The following TCERG1L variants were observed in gnomAD, a reference collection of about 807,000 sequenced individuals.
TCERG1L encodes transcription elongation regulator 1 like.
TCERG1L carries 37 observed loss-of-function variants against 56.3 expected under a neutral mutation model. The observed-to-expected ratio is 0.66, with a 90% CI of 0.51 to 0.87. The LOEUF (loss-of-function observed/expected upper bound fraction) is 0.87, where lower values mean the gene tolerates loss of function less well. Ranked by LOEUF, TCERG1L falls within the 40% of genes least tolerant of loss-of-function variation. The probability of loss-of-function intolerance (pLI) is 0.00; values close to 1 mark genes in which losing one functional copy is unlikely to be tolerated. For missense variants in TCERG1L, 799 were observed against 774.2 expected (o/e 1.03, Z -0.38); for synonymous variants, 324 against 326.3 (o/e 0.99, Z 0.08).
intron 9 of TCERG1L, among the ~76,000 whole-genome samples, chr10:131,105,791 G>A (rs958667107): frequency 1.3e-5 from 2 of 152,202 alleles, no homozygotes; most frequent in African/African-American, 4.8e-5. Flanking sequence ...CGGACTCATG[G>A]ATACTCAGCC....
intron 8 of TCERG1L, among the ~76,000 whole-genome samples, chr10:131,132,920 A>G (rs1351340870): frequency 6.6e-6 from 1 of 152,168 alleles, no homozygotes; most frequent in Non-Finnish European, 1.5e-5. Context: ...AGTGGCTCAC[A>G]GGCTTCCACG....
intron 3 of TCERG1L, among the ~76,000 whole-genome samples, chr10:131,275,014 G>C (rs955852234): frequency 6.6e-6 from 1 of 152,110 alleles, no homozygotes; most frequent in Non-Finnish European, 1.5e-5. Context: ...TCCTGATCCT[G>C]ATCTCGGGCC....
At chr10:131,136,001 G>A (rs568910662) in intron 7 of TCERG1L, among the ~76,000 whole-genome samples, 206 of 152,332 alleles carry the variant, frequency 1.4e-3, no homozygotes, top group Non-Finnish European at 2.4e-3. Flanking sequence ...CCTGGGGGCC[G>A]CCCTGTGCCC....
intron 4 of TCERG1L, among the ~76,000 whole-genome samples, chr10:131,213,553 T>G (rs960929520): frequency 1.3e-5 from 2 of 152,216 alleles, no homozygotes; most frequent in African/African-American, 2.4e-5. Context: ...CCACTCTGTC[T>G]GGCCCGGCTG....
intron 3 of TCERG1L, among the ~76,000 whole-genome samples, chr10:131,300,789 G>A: frequency 6.6e-6 from 1 of 150,740 alleles, no homozygotes. Flanking sequence ...TTTATTAAGT[G>A]CTAGGCATCA....
chr10:131,097,699 A>G (rs999174994), intron 11 of TCERG1L, among the ~76,000 whole-genome samples: 8 of 152,234 alleles, frequency 5.3e-5, no homozygotes, highest in African/African-American at 1.9e-4. Context: ...TTTAAGAAAG[A>G]GTTAAGCTTA....
chr10:131,230,494 G>A (rs550451747), intron 4 of TCERG1L, among the ~76,000 whole-genome samples: 1 of 152,340 alleles, frequency 6.6e-6, no homozygotes, highest in African/African-American at 2.4e-5. Flanking sequence ...CACACTGAGG[G>A]ACGCTGGGGA....
At position 131,141,513 on chromosome 10, in the gene TCERG1L, G is replaced by A. The variant is rs890946216; in HGVS notation, c.1189+4993C>T. Among the ~76,000 whole-genome samples the A allele has an allele frequency of 3.8e-4, 58 of 152,118 alleles. 1 individual carries two copies. Among genetic ancestry groups the A allele is most frequent in the African/African-American group, 1.2e-3 (51 of 41,418 alleles). On this transcript the variant is annotated intron_variant, in intron 7 of 11. Transcript: ENST00000368642. ...TGCCCAACATCTGCTCATCTTTGGC[G>A]TCCTGTGTCTAGCCCAGTGCTTGGC...
chr10:131,168,695 T>TC (rs1353146148), intron 4 of TCERG1L, among the ~76,000 whole-genome samples: 2 of 152,168 alleles, frequency 1.3e-5, no homozygotes, highest in Non-Finnish European at 2.9e-5. Context: ...GGGCAGGCTC[T>TC]CCCCAGGGCT....
chr10:131,178,500 A>G (rs1845135642), intron 4 of TCERG1L, among the ~76,000 whole-genome samples: 1 of 152,162 alleles, frequency 6.6e-6, no homozygotes, highest in African/African-American at 2.4e-5. Context: ...CCCCCTAGCC[A>G]TGCAGGTCAA....
intron 9 of TCERG1L, among the ~76,000 whole-genome samples, chr10:131,106,331 C>T (rs2133383079): frequency 6.6e-6 from 1 of 152,304 alleles, no homozygotes; most frequent in South Asian, 2.1e-4. Context: ...GGAGACAGAC[C>T]TGGACACTAG....
chr10:131,094,026 C>T (rs1376581277), intron 11 of TCERG1L, among the ~76,000 whole-genome samples: 7 of 152,328 alleles, frequency 4.6e-5, no homozygotes, highest in South Asian at 4.1e-4. Context: ...GGTGGTGCCC[C>T]GTAAGAAAAT....
chr10:131,292,226 A>C (rs1352189162), intron 3 of TCERG1L, among the ~76,000 whole-genome samples: 1 of 152,220 alleles, frequency 6.6e-6, no homozygotes, highest in Non-Finnish European at 1.5e-5. Context: ...TATCTGGTTC[A>C]CCTTCATTCT....
intron 4 of TCERG1L, among the ~76,000 whole-genome samples, chr10:131,221,031 C>T (rs1845726683): frequency 6.6e-6 from 1 of 152,208 alleles, no homozygotes; most frequent in African/African-American, 2.4e-5. Context: ...CCCCAAGCGG[C>T]TGAGTACCTG....
intron 8 of TCERG1L, among the ~76,000 whole-genome samples, chr10:131,119,799 G>A (rs750501375): frequency 3.9e-5 from 6 of 152,322 alleles, no homozygotes; most frequent in African/African-American, 7.2e-5. Context: ...TAGAGGCAGC[G>A]TCCCCGAGGA....
intron 9 of TCERG1L, among the ~76,000 whole-genome samples, chr10:131,113,227 A>G (rs1278541103): frequency 7.0e-6 from 1 of 142,856 alleles, no homozygotes; most frequent in African/African-American, 2.5e-5. Flanking sequence ...GGTTACTTTC[A>G]CATTAAGCGT....
intron 3 of TCERG1L, among the ~76,000 whole-genome samples, chr10:131,297,041 T>C (rs1436873707): frequency 1.3e-5 from 2 of 152,252 alleles, no homozygotes; most frequent in African/African-American, 4.8e-5. Context: ...GACAGTTTTG[T>C]GTCTTCCTTC....
intron 4 of TCERG1L, among the ~76,000 whole-genome samples, chr10:131,225,392 G>T (rs572614738): frequency 1.2e-4 from 18 of 152,264 alleles, no homozygotes; most frequent in African/African-American, 3.9e-4. Context: ...CATTGCACCT[G>T]TGTTTGTAAG....
intron 4 of TCERG1L, among the ~76,000 whole-genome samples, chr10:131,230,070 C>G (rs1229023572): frequency 6.6e-6 from 1 of 152,208 alleles, no homozygotes; most frequent in African/African-American, 2.4e-5. Context: ...TGCAACCCGA[C>G]TGTCCCATGA....
Sources: allele counts gnomAD v4.1 joint callset (sites outside exome capture counted in the v4.1 genomes callset), GRCh38; gene constraint gnomAD v4.1.1; transcripts MANE v1.5; gene names NCBI Gene and HGNC (gene_info 2026-07-23, HGNC 2026-07-21).